The following ZNF774 variants were observed in gnomAD, a reference collection of about 807,000 sequenced individuals.
ZNF774 encodes the protein zinc finger protein 774.
A neutral mutation model predicts 11.1 loss-of-function variants in ZNF774; 14 were observed. The observed-to-expected ratio is 1.26, with a 90% CI of 0.83 to 1.97. ZNF774 has a LOEUF of 1.97. Among genes scored for constraint, ZNF774 ranks in the 30% most tolerant of loss-of-function variants. ZNF774 has a pLI of 0.00. For synonymous variants in ZNF774, 195 were observed against 212.6 expected (o/e 0.92, Z 0.72); for missense variants, 599 against 587.0 (o/e 1.02, Z -0.21).
intron 2 of ZNF774, among the ~76,000 whole-genome samples, chr15:90,357,738 A>G (rs1369273786): frequency 6.6e-6 from 1 of 151,878 alleles, no homozygotes; most frequent in Non-Finnish European, 1.5e-5. Context: ...CACGTGGCTA[A>G]TTTTTGTATT....
At chr15:90,359,111 G>A (rs1964288467) in intron 3 of ZNF774, among the ~76,000 whole-genome samples, 154 bp downstream of exon 3, 1 of 147,458 alleles carries the variant, frequency 6.8e-6, no homozygotes, top group African/African-American at 2.6e-5. Flanking sequence ...TGTCGCCCAG[G>A]CCGGACTGCG....
rs1869179 is a variant in ZNF774, at chr15:90,352,332, A to C, written c.-99A>C. 87,848 of 152,382 alleles carry C rather than the reference A, an allele frequency of 0.58. 26,758 individuals carry two copies. The highest frequency in any genetic ancestry group is 0.85 in the East Asian group (4,364 of 5,152). 9.4% of individuals were successfully genotyped at this position (152,382 alleles called of 1,614,324 possible). On this transcript the variant is annotated 5_prime_UTR_variant, in exon 1 of 4. Transcript: ENST00000354377. ...ATCCCGGTCGGGTTCTGGGAGGCAC[A>C]GCCTCGGGGTTGCGGGCCGGGTGCG... is the stretch of plus-strand genomic sequence containing the variant.
In ZNF774 at chr15:90,358,876, C is replaced by T. The variant is rs777864935; in HGVS notation, c.130C>T (p.Gln44Ter). 6.2e-7 allele frequency: 1 copy of T among 1,613,184 alleles called. No homozygotes were observed. The highest frequency in any genetic ancestry group is 8.5e-7 in the Non-Finnish European group (1 of 1,179,474). Reference protein sequence around the residue: ...KGISRPSVISQPEQKEEPWVL... With the variant: ...KGISRPSVIS The stretch of plus-strand genomic sequence containing the variant: ...AATTTCCAGGCCTAGTGTAATCTCC[C>T]AGCCGGAGCAGAAAGAAGAGCCATG... Residue 44 changes from glutamine to a stop codon, truncating the protein, a stop_gained, in exon 3 of 4, where the codon CAG (glutamine) becomes TAG (stop). Coordinates refer to ENST00000354377, the MANE Select transcript of ZNF774 (RefSeq NM_001004309.3). LOFTEE classifies it high-confidence loss of function.
chr15:90,355,203 C>G, intron 2 of ZNF774: 1 of 437,548 alleles, frequency 2.3e-6, no homozygotes, highest in Non-Finnish European at 4.6e-6. Context: ...GAGCTCCAGA[C>G]CTCTGTAAGA....
Position 90,358,948 on chromosome 15 carries a change from A to G in ZNF774, c.202A>G (p.Ser68Gly), listed in dbSNP as rs1398117477. The G allele has an allele frequency of 1.9e-6, 3 of 1,613,486 alleles. No homozygotes were observed. The highest frequency in any genetic ancestry group is 1.3e-5 in the African/African-American group (1 of 75,040). Residue 68 changes from serine (S) to glycine (G), a missense_variant, in exon 3 of 4, where the codon AGC (serine) becomes GGC (glycine). Coordinates refer to ENST00000354377, the MANE Select transcript of ZNF774 (RefSeq NM_001004309.3). ...TGAGGCGAGGAAGATCCCGAGGGAA[A>G]GCCACACAGGTGAGATGTGAGTGCT... ...NFEARKIPRE[S>G]HTDCEHQVAK...
In ZNF774 at chr15:90,360,546, G is replaced by C; in HGVS notation, c.715G>C (p.Glu239Gln). ...HTGERPYECP[E>Q]CGKTFGRKPH... ...AGGGGAGAGACCCTATGAGTGCCCA[G>C]AGTGTGGAAAGACTTTTGGGCGGAA... The change falls in exon 4 of 4, where the codon GAG becomes CAG. Residue 239 changes from glutamate to glutamine, a missense_variant. Transcript: ENST00000354377. 6.2e-7 allele frequency: 1 copy of C among 1,613,782 alleles called. No individual in the cohort carries two copies. The highest frequency in any genetic ancestry group is 8.5e-7 in the Non-Finnish European group (1 of 1,179,946).
Position 90,361,583 on chromosome 15 carries a change from TG to T in ZNF774, c.*303del. 1 of 1,038,064 alleles carries T rather than the reference TG, an allele frequency of 9.6e-7. No homozygotes were observed. The highest frequency in any genetic ancestry group is 1.2e-6 in the Non-Finnish European group (1 of 849,020). The allele number at this position is 1,038,064 out of a possible 1,614,324, so 64.3% of individuals were successfully genotyped here. On this transcript the variant is annotated 3_prime_UTR_variant, in exon 4 of 4. Transcript: ENST00000354377. ...TCCCAGCACTTTTGGGAGGCCAAGG[TG>T]GGTGGATCACTTGAGGTCAGGAGTT...
At chr15:90,353,425 A>AGTGT (rs56080142) in intron 1 of ZNF774, among the ~76,000 whole-genome samples, 21,046 of 139,246 alleles carry the variant, frequency 0.15, 1,573 homozygotes, top group Non-Finnish European at 0.17. Context: ...TTCCCCCAAA[A>AGTGT]GTGTGTGTGT....
rs770813463 is a variant in ZNF774 at position 90,360,620 on chromosome 15, C to T, written c.789C>T (p.Tyr263=). The change falls in exon 4 of 4, where the codon TAC becomes TAT. Residue 263 remains tyrosine (Y), a synonymous_variant. Transcript: ENST00000354377. ...HQRTHTGEKP[Y]ACLECHKSFS... is the part of the protein sequence containing the mutation. The stretch of plus-strand genomic sequence containing the variant: ...GAACCCACACAGGCGAGAAGCCCTA[C>T]GCGTGCCTGGAATGTCACAAAAGCT... 67 of 1,614,138 alleles carry T rather than the reference C, an allele frequency of 4.2e-5. 4 individuals are homozygous for T. In the South Asian group the frequency reaches 6.7e-4, roughly 16 times the overall value.
intron 3 of ZNF774, 42 bp from the exon 4 acceptor site, chr15:90,360,001 A>G (rs1964302967): frequency 6.5e-7 from 1 of 1,536,432 alleles, no homozygotes; most frequent in African/African-American, 1.4e-5. Flanking sequence ...CCTTCCTGAT[A>G]ACTGATAACT....
At chr15:90,354,959 T>C (rs568019243) in intron 2 of ZNF774, among the ~76,000 whole-genome samples, 195 bp downstream of exon 2, 1 of 152,256 alleles carries the variant, frequency 6.6e-6, no homozygotes, top group Admixed American at 6.5e-5. Context: ...CATGCCTAGC[T>C]AATTTTTTGT....
intron 2 of ZNF774, 67 bp downstream of exon 2, chr15:90,354,831 G>A: frequency 7.5e-7 from 1 of 1,341,342 alleles, no homozygotes; most frequent in Non-Finnish European, 1.0e-6. Flanking sequence ...GTCTCGCTCT[G>A]TCATCCAGGC....
intron 3 of ZNF774, 35 bp downstream of exon 3, chr15:90,358,992 T>C: frequency 6.5e-7 from 1 of 1,539,916 alleles, no homozygotes; most frequent in Middle Eastern, 1.7e-4. Flanking sequence ...GAAGGAAATC[T>C]AGCATTTCAG....
chr15:90,362,748 T>TACAC lies in ZNF774; in HGVS notation c.*1500_*1503dup, dbSNP rs59687959. 6.7e-3 allele frequency: 3,278 copies of TACAC among 489,198 alleles called. 11 individuals are homozygous for TACAC. The highest frequency in any genetic ancestry group is 0.013 in the Middle Eastern group (23 of 1,816). 30.3% of individuals were successfully genotyped at this position (489,198 alleles called of 1,614,324 possible). The stretch of plus-strand genomic sequence containing the variant: ...CAAGGTTGTTGTGAGGATCTAAAAA[T>TACAC]ACACACACACACACACACACACACA... On this transcript the variant is annotated 3_prime_UTR_variant, in exon 4 of 4. Transcript: ENST00000354377.
Position 90,360,505 on chromosome 15 carries a change from A to G in ZNF774, c.674A>G (p.His225Arg), listed in dbSNP as rs1964314175. ...AGCGACAGCTCAACACTCATCAAAC[A>G]TCAGAGAACCCACACAGGGGAGAGA... ...KFSDSSTLIK[H>R]QRTHTGERPY... Residue 225 changes from histidine to arginine, a missense_variant, in exon 4 of 4, where the codon CAT becomes CGT. Coordinates refer to ENST00000354377, the MANE Select transcript of ZNF774 (RefSeq NM_001004309.3). The G allele has an allele frequency of 6.2e-7, 1 of 1,614,108 alleles. No homozygotes were observed. Among genetic ancestry groups the G allele is most frequent in the Non-Finnish European group, 8.5e-7 (1 of 1,180,036 alleles).
At position 90,360,979 on chromosome 15, in the gene ZNF774, GA is replaced by G. The variant is rs1964325677; in HGVS notation, c.1149del (p.Phe384SerfsTer43). The G allele has an allele frequency of 6.2e-7, 1 of 1,614,176 alleles. No individual in the cohort carries two copies. The highest frequency in any genetic ancestry group is 8.5e-7 in the Non-Finnish European group (1 of 1,180,036). The stretch of plus-strand genomic sequence containing the variant: ...TTTAAGTGCGAAAACTGTGGGAAAG[GA>G]TTCGCCGACAGCTCCGCCCTCATTA... Reference protein sequence around the residue: ...RPFKCENCGKGFADSSALIKH... With the variant: ...RPFKCENCGKXFADSSALIKH... On this transcript the variant is annotated frameshift_variant, in exon 4 of 4. Transcript: ENST00000354377. LOFTEE classifies it low-confidence loss of function (END_TRUNC).
At chr15:90,359,120 C>G (rs1223986088) in intron 3 of ZNF774, among the ~76,000 whole-genome samples, 163 bp downstream of exon 3, 1 of 143,446 alleles carries the variant, frequency 7.0e-6, no homozygotes, top group Admixed American at 7.1e-5. Flanking sequence ...GGCCGGACTG[C>G]GGACTGCAGT....
rs746295063 is a variant in ZNF774, at chr15:90,354,649, T to C, written c.-12T>C. 5 of 1,594,212 alleles carry C rather than the reference T, an allele frequency of 3.1e-6. No homozygotes were observed. The South Asian group carries it at 5.7e-5, about 18-fold the overall frequency. On this transcript the variant is annotated 5_prime_UTR_variant, in exon 2 of 4. An upstream start codon of the reference 5' UTR is lost. Transcript: ENST00000354377. ...TGAGGTCTCTTGCTTTAGGAACTGA[T>C]GACGCTTGATAATGTGGCTGGGGAC...
At chr15:90,359,810 G>T (rs887319301) in intron 3 of ZNF774, among the ~76,000 whole-genome samples, 2 of 152,072 alleles carry the variant, frequency 1.3e-5, no homozygotes, top group African/African-American at 4.8e-5. Context: ...TGTGGTCTCC[G>T]CTTGAAGGAT....
Sources: gnomAD v4.1 joint callset for allele counts (sites outside exome capture counted in the v4.1 genomes callset) on GRCh38, gnomAD v4.1.1 for gene constraint, MANE v1.5 for transcripts, NCBI Gene and HGNC (gene_info 2026-07-23, HGNC 2026-07-21) for gene names.